SUPV3L1: variants seen among roughly 807,000 people sequenced by gnomAD.
The protein encoded by SUPV3L1 is ATP-dependent RNA helicase SUPV3L1, mitochondrial.
A neutral mutation model predicts 70.0 loss-of-function variants in SUPV3L1; 35 were observed. That is an observed-to-expected ratio of 0.50 (90% CI 0.38 to 0.66). The LOEUF (loss-of-function observed/expected upper bound fraction) is 0.66. Among genes scored for constraint, SUPV3L1 ranks in the 30% least tolerant of loss-of-function variants. The pLI is 0.00. For missense variants in SUPV3L1, 777 were observed against 961.5 expected, an observed-to-expected ratio of 0.81 and a Z score of 2.54; for synonymous variants, 364 against 341.9, an observed-to-expected ratio of 1.06 and a Z score of -0.71.
At chr10:69,186,601 T>G (rs1343706391) in intron 3 of SUPV3L1, 51 bp downstream of exon 3, 8 of 1,439,578 alleles carry the variant, frequency 5.6e-6, no homozygotes, top group Non-Finnish European at 7.8e-6. Context: ...CTTCTATTTC[T>G]TCTCATACTT....
rs1237100671 is a variant in SUPV3L1 at position 69,208,147 on chromosome 10, A to G, written c.1925+206A>G. ...TCTTGCAATTCTAGTTAAGATGGCT[A>G]GGTGAGAAGGAAGGTCCACTGGACT... On this transcript the variant is annotated intron_variant, in intron 14 of 14. Coordinates refer to ENST00000359655, the MANE Select transcript of SUPV3L1 (RefSeq NM_003171.5). Among the ~76,000 whole-genome samples the G allele has an allele frequency of 2.0e-5, 3 of 152,266 alleles. No homozygotes were observed. In the East Asian group the frequency reaches 5.8e-4, roughly 29 times the overall value.
intron 13 of SUPV3L1, among the ~76,000 whole-genome samples, chr10:69,207,429 A>G (rs1842859725): frequency 6.6e-6 from 1 of 152,084 alleles, no homozygotes; most frequent in South Asian, 2.1e-4. Context: ...CCTCCACCTC[A>G]GCTTCCTGAG....
Position 69,208,723 on chromosome 10 carries a change from T to A in SUPV3L1, c.2049T>A (p.His683Gln). Residue 683 changes from histidine to glutamine, a missense_variant, in exon 15 of 15, where the codon CAT becomes CAA. Physicochemically the swap from His to Gln is conservative, Grantham distance 24. This residue lies in a region of SUPV3L1 where 619 missense variants were observed against 823.3 expected (regional missense o/e 0.75). Transcript: ENST00000359655. ...AATTGATTAAAATGTCTGAGACGCA[T>A]AAGCTGTTGAATTTGGAGGGCTTTC... Reference protein sequence around the residue: ...ITKLIKMSETHKLLNLEGFPS... With the variant: ...ITKLIKMSETQKLLNLEGFPS... 1 of 1,614,204 alleles carries A rather than the reference T, an allele frequency of 6.2e-7. No individual in the cohort carries two copies. The highest frequency in any genetic ancestry group is 8.5e-7 in the Non-Finnish European group (1 of 1,180,042).
Position 69,180,380 on chromosome 10 carries a change from C to G in SUPV3L1, c.89C>G (p.Pro30Arg). The G allele has an allele frequency of 1.2e-6, 2 of 1,614,262 alleles. No homozygotes were observed. Among genetic ancestry groups the G allele is most frequent in the Non-Finnish European group, 1.7e-6 (2 of 1,180,044 alleles). Residue 30 changes from proline (P) to arginine (R), a missense_variant, in exon 1 of 15, where the codon CCC becomes CGC. Physicochemically the swap from Pro to Arg is moderately radical, Grantham distance 103 (BLOSUM62 -2). Transcript: ENST00000359655. ...GCAGCCATCTGCTCTGCCCTTCGTC[C>G]CCACTTTGGGCCCTTTCCCGGGGTT... The part of the protein sequence containing the change: ...HRAAICSALR[P>R]HFGPFPGVLG...
chr10:69,197,621 G>A (rs1289675061), intron 8 of SUPV3L1, among the ~76,000 whole-genome samples: 1 of 152,088 alleles, frequency 6.6e-6, no homozygotes, highest in African/African-American at 2.4e-5. Flanking sequence ...CCAGGCTGGA[G>A]TGCTGTGGTG....
At chr10:69,188,502 T>TG (rs1842298050) in intron 4 of SUPV3L1, among the ~76,000 whole-genome samples, 1 of 81,434 alleles carries the variant, frequency 1.2e-5, no homozygotes, top group Admixed American at 1.3e-4. Flanking sequence ...TACTTGATTT[T>TG]TTTTGTTTGT....
chr10:69,182,797 C>T, intron 1 of SUPV3L1: 1 of 610,600 alleles, frequency 1.6e-6, no homozygotes, highest in Non-Finnish European at 2.1e-6. Flanking sequence ...CAGATTTCCA[C>T]TTAGCTTAGC....
At chr10:69,193,983 C>T (rs183405983) in intron 6 of SUPV3L1, among the ~76,000 whole-genome samples, 1 of 152,292 alleles carries the variant, frequency 6.6e-6, no homozygotes, top group East Asian at 1.9e-4. Flanking sequence ...TTATTCCTTC[C>T]ACTTCACTTT....
At chr10:69,193,452 G>GTTTT (rs11321429) in intron 6 of SUPV3L1, among the ~76,000 whole-genome samples, 5 of 131,092 alleles carry the variant, frequency 3.8e-5, no homozygotes, top group South Asian at 2.5e-4. Context: ...TCACGAAGTA[G>GTTTT]TTTTTTTTTT....
chr10:69,207,691 A>T lies in SUPV3L1; in HGVS notation c.1777-102A>T. On this transcript the variant is annotated intron_variant, in intron 13 of 14. Transcript: ENST00000359655. ...AGAAACCACCTGTCTATTGAAATACAACCACAATGTTTTGTTTTGCTTTCT... is the reference window on the plus strand; with the variant it reads ...AGAAACCACCTGTCTATTGAAATACTACCACAATGTTTTGTTTTGCTTTCT... The T allele has an allele frequency of 4.4e-6, 6 of 1,369,288 alleles. No individual in the cohort carries two copies. The South Asian group carries it at 9.0e-5, about 20-fold the overall frequency. The allele number at this position is 1,369,288 out of a possible 1,614,324, so 84.8% of individuals were successfully genotyped here.
intron 13 of SUPV3L1, among the ~76,000 whole-genome samples, chr10:69,204,898 T>C (rs1842784551): frequency 6.6e-6 from 1 of 151,964 alleles, no homozygotes; most frequent in South Asian, 2.1e-4. Flanking sequence ...CTCAGCCTCC[T>C]GAGTATCTGG....
At chr10:69,183,047 C>T (rs555891638) in intron 1 of SUPV3L1, among the ~76,000 whole-genome samples, 4 of 152,282 alleles carry the variant, frequency 2.6e-5, no homozygotes, top group African/African-American at 9.6e-5. Context: ...GGTGTCTCCA[C>T]TTGTCTTTCT....
chr10:69,200,173 A>G (rs1458002387), intron 10 of SUPV3L1, 107 bp from the exon 11 acceptor site: 3 of 844,708 alleles, frequency 3.6e-6, no homozygotes, highest in African/African-American at 1.7e-5. Flanking sequence ...GTGGCAGTCA[A>G]GGTTGCAAGA....
At chr10:69,187,209 G>A (rs1353370460) in intron 3 of SUPV3L1, among the ~76,000 whole-genome samples, 1 of 152,024 alleles carries the variant, frequency 6.6e-6, no homozygotes, top group Non-Finnish European at 1.5e-5. Context: ...TACTAAAGGA[G>A]TAGGACGTGG....
intron 14 of SUPV3L1, 41 bp from the exon 15 acceptor site, chr10:69,208,559 A>G (rs763580838): frequency 1.3e-6 from 2 of 1,577,096 alleles, no homozygotes; most frequent in East Asian, 2.2e-5. Context: ...AGTGACTGCG[A>G]TAAGAGCTGT....
chr10:69,208,017 A>G lies in SUPV3L1; in HGVS notation c.1925+76A>G, dbSNP rs1035177688. On this transcript the variant is annotated intron_variant, in intron 14 of 14. Coordinates refer to ENST00000359655, the MANE Select transcript of SUPV3L1 (RefSeq NM_003171.5). ...AAAGGTTTTATGAATTTGTTTTTCT[A>G]TTTCAAATTATGGACATATTTGCAA... 16 of 1,534,078 alleles carry G rather than the reference A, an allele frequency of 1.0e-5. No individual in the cohort carries two copies. In the African/African-American group the frequency reaches 1.1e-4, roughly 11 times the overall value.
At chr10:69,183,725 A>T (rs993594715) in intron 1 of SUPV3L1, among the ~76,000 whole-genome samples, 1 of 152,080 alleles carries the variant, frequency 6.6e-6, no homozygotes, top group African/African-American at 2.4e-5. Context: ...CATACTAGAA[A>T]GCTCACCCTT....
At chr10:69,180,673 T>C in intron 1 of SUPV3L1, 111 bp downstream of exon 1, 2 of 1,438,464 alleles carry the variant, frequency 1.4e-6, no homozygotes, top group Non-Finnish European at 1.9e-6. Context: ...CATCGAGTGT[T>C]GTCATCGTGC....
intron 8 of SUPV3L1, among the ~76,000 whole-genome samples, chr10:69,197,404 G>A (rs186192316): frequency 3.3e-5 from 5 of 152,182 alleles, no homozygotes; most frequent in East Asian, 3.9e-4. Flanking sequence ...CAAGTTTGTC[G>A]TTTTCAAAGT....
Sources: allele counts gnomAD v4.1 joint callset (sites outside exome capture counted in the v4.1 genomes callset), GRCh38; gene constraint gnomAD v4.1.1; regional missense constraint gnomAD v4.1.1; transcripts MANE v1.5; gene names NCBI Gene and HGNC (gene_info 2026-07-23, HGNC 2026-07-21).